MACROD2: variants seen among roughly 807,000 people sequenced by gnomAD.
MACROD2 encodes mono-ADP ribosylhydrolase 2, also known as ADP-ribose glycohydrolase MACROD2.
MACROD2 carries 36 observed loss-of-function variants against 70.4 expected under a neutral mutation model. That is an observed-to-expected ratio of 0.51 (90% CI 0.39 to 0.68). The LOEUF is 0.68. MACROD2 is among the 30% of genes least tolerant of loss of function. MACROD2 has a pLI of 0.00. For synonymous variants in MACROD2, 172 were observed against 178.8 expected (o/e 0.96, Z 0.30); for missense variants, 496 against 538.4 (o/e 0.92, Z 0.78).
intron 8 of MACROD2, among the ~76,000 whole-genome samples, chr20:15,844,432 A>G (rs551056123): frequency 2.9e-4 from 44 of 152,272 alleles, no homozygotes; most frequent in African/African-American, 1.0e-3. Context: ...CAATGCAGAC[A>G]TTAATTCATT....
chr20:14,707,151 T>C (rs1401863738), intron 5 of MACROD2, among the ~76,000 whole-genome samples: 1 of 152,110 alleles, frequency 6.6e-6, no homozygotes, highest in Admixed American at 6.5e-5. Context: ...TGAGTGTAAT[T>C]CCAGTCATCT....
intron 3 of MACROD2, among the ~76,000 whole-genome samples, chr20:14,400,017 A>C (rs758991498): frequency 1.3e-5 from 2 of 151,926 alleles, no homozygotes; most frequent in Non-Finnish European, 2.9e-5. Flanking sequence ...CTTGTCTACT[A>C]ATTTTCTCAT....
chr20:14,207,395 C>T (rs557484639), intron 3 of MACROD2, among the ~76,000 whole-genome samples: 18 of 152,130 alleles, frequency 1.2e-4, no homozygotes, highest in Non-Finnish European at 2.2e-4. Flanking sequence ...CCACTGTGCC[C>T]GGCCAGAAAT....
chr20:14,445,957 T>C (rs2084177639), intron 3 of MACROD2, among the ~76,000 whole-genome samples: 1 of 152,090 alleles, frequency 6.6e-6, no homozygotes, highest in East Asian at 1.9e-4. Flanking sequence ...GGAAAGAGTA[T>C]AGAATATTAT....
chr20:14,659,835 G>T (rs1242478216), intron 4 of MACROD2, among the ~76,000 whole-genome samples: 1 of 151,906 alleles, frequency 6.6e-6, no homozygotes, highest in Non-Finnish European at 1.5e-5. Context: ...CATTTCTTTT[G>T]GTGTTTCTCT....
chr20:15,839,804 G>T (rs918201777), intron 8 of MACROD2, among the ~76,000 whole-genome samples: 6 of 152,016 alleles, frequency 3.9e-5, no homozygotes, highest in African/African-American at 1.4e-4. Flanking sequence ...GAATCATTCT[G>T]TATTATTATA....
intron 3 of MACROD2, among the ~76,000 whole-genome samples, chr20:14,175,010 C>CAA (rs2081252156): frequency 6.6e-6 from 1 of 152,192 alleles, no homozygotes; most frequent in Non-Finnish European, 1.5e-5. Context: ...CACTTTCACA[C>CAA]TCTGGGCACT....
chr20:14,298,959 G>A (rs1323734377), intron 3 of MACROD2, among the ~76,000 whole-genome samples: 1 of 152,204 alleles, frequency 6.6e-6, no homozygotes, highest in Non-Finnish European at 1.5e-5. Context: ...TCTTGAGATA[G>A]AATCTACTCC....
At chr20:16,034,904 T>C (rs2067202557) in intron 15 of MACROD2, among the ~76,000 whole-genome samples, 1 of 151,372 alleles carries the variant, frequency 6.6e-6, no homozygotes, top group Non-Finnish European at 1.5e-5. Context: ...AGTGAGAACA[T>C]ACGATCTTTG....
chr20:15,255,797 A>G (rs2077194480), intron 6 of MACROD2, among the ~76,000 whole-genome samples: 1 of 152,086 alleles, frequency 6.6e-6, no homozygotes, highest in Admixed American at 6.6e-5. Context: ...TGTATGGTAT[A>G]AGGACAAGAA....
intron 8 of MACROD2, among the ~76,000 whole-genome samples, chr20:15,730,624 C>G (rs1468165776): frequency 6.6e-6 from 1 of 151,924 alleles, no homozygotes; most frequent in Non-Finnish European, 1.5e-5. Flanking sequence ...AACTGTTTTT[C>G]TTTTATTCCA....
chr20:15,999,553 A>G (rs139989401), intron 15 of MACROD2, among the ~76,000 whole-genome samples: 21 of 152,318 alleles, frequency 1.4e-4, no homozygotes, highest in African/African-American at 4.6e-4. Context: ...TGACCTATCT[A>G]TCATTGAAGT....
intron 5 of MACROD2, chr20:14,888,317 AG>A (rs1223987749): frequency 6.6e-6 from 1 of 152,226 alleles, no homozygotes; most frequent in African/African-American, 2.4e-5. Flanking sequence ...GCTGAGAGAC[AG>A]GAAATGGAGG....
rs75996000 is a variant in MACROD2, at chr20:15,899,302, G to A, written c.775+13491G>A. On this transcript the variant is annotated intron_variant, in intron 10 of 17. Transcript: ENST00000684519. The stretch of plus-strand genomic sequence containing the variant: ...TACATACAGATATATACACATATGT[G>A]TGTACATATATACATATATACATAT... 6.5e-3 allele frequency among the ~76,000 whole-genome samples: 987 copies of A among 151,774 alleles called. 10 individuals are homozygous for A. Among genetic ancestry groups the A allele is most frequent in the African/African-American group, 0.02 (818 of 41,364 alleles).
chr20:14,104,484 A>G (rs1827450677), intron 3 of MACROD2, among the ~76,000 whole-genome samples: 1 of 152,220 alleles, frequency 6.6e-6, no homozygotes, highest in South Asian at 2.1e-4. Flanking sequence ...TCAGAGTGAG[A>G]GAGGAACTGT....
intron 3 of MACROD2, among the ~76,000 whole-genome samples, chr20:14,246,064 A>C (rs1410548875): frequency 6.6e-6 from 1 of 152,220 alleles, no homozygotes; most frequent in Non-Finnish European, 1.5e-5. Flanking sequence ...TCTAGCTTGA[A>C]ATTATTCCTA....
rs561735683 is a variant in MACROD2, at chr20:15,366,891, C to A, written c.541-64514C>A. On this transcript the variant is annotated intron_variant, in intron 6 of 17. Transcript: ENST00000684519. ...GAATATAGCATTATTATGTAAATGC[C>A]TCCCATGTTGTCCCATCCTTCATAA... is the stretch of plus-strand genomic sequence containing the variant. 1.4e-3 allele frequency among the ~76,000 whole-genome samples: 207 copies of A among 152,112 alleles called. 1 individual carries two copies. The highest frequency in any genetic ancestry group is 2.4e-3 in the Non-Finnish European group (164 of 67,976).
chr20:15,650,433 A>C (rs1412652062), intron 8 of MACROD2, among the ~76,000 whole-genome samples: 1 of 152,040 alleles, frequency 6.6e-6, no homozygotes, highest in African/African-American at 2.4e-5. Flanking sequence ...CATTTCTCTC[A>C]CACTTTTGTT....
chr20:14,853,583 C>G (rs2073222613), intron 5 of MACROD2, among the ~76,000 whole-genome samples: 1 of 152,050 alleles, frequency 6.6e-6, no homozygotes. Context: ...ACAACCCATT[C>G]TTAGGTCACC....
Sources: gnomAD v4.1 joint callset for allele counts (sites outside exome capture counted in the v4.1 genomes callset) on GRCh38, gnomAD v4.1.1 for gene constraint, MANE v1.5 for transcripts, NCBI Gene and HGNC (gene_info 2026-07-23, HGNC 2026-07-21) for gene names.